ENDOV: variants seen among roughly 807,000 people sequenced by gnomAD.
ENDOV encodes hEndoV.
A neutral mutation model predicts 39.4 loss-of-function variants in ENDOV; 37 were observed. That is an observed-to-expected ratio of 0.94 (90% CI 0.72 to 1.23). The LOEUF (loss-of-function observed/expected upper bound fraction) is 1.23. Ranked by LOEUF, ENDOV falls within the 50% of genes most tolerant of loss-of-function variation. The probability of loss-of-function intolerance (pLI) is 0.00; values close to 1 mark genes in which losing one functional copy is unlikely to be tolerated. For missense variants in ENDOV, 441 were observed against 375.7 expected (o/e 1.17, Z -1.44); for synonymous variants, 186 against 163.4 (o/e 1.14, Z -1.05).
intron 2 of ENDOV, among the ~76,000 whole-genome samples, chr17:80,421,418 C>T (rs1464095000): frequency 1.3e-5 from 2 of 150,876 alleles, no homozygotes; most frequent in Non-Finnish European, 3.0e-5. Flanking sequence ...CTACTATACA[C>T]ATCAGGTCTG....
chr17:80,428,389 A>G (rs552600172), intron 7 of ENDOV: 2 of 583,818 alleles, frequency 3.4e-6, no homozygotes, highest in South Asian at 2.0e-5. Context: ...GAGAGCTGCC[A>G]TTGCGGGGCT....
chr17:80,421,031 C>T (rs1033911256), intron 2 of ENDOV, among the ~76,000 whole-genome samples: 9 of 151,162 alleles, frequency 6.0e-5, no homozygotes, highest in African/African-American at 1.9e-4. Context: ...GGTGGGGCAT[C>T]GGCTTCAATA....
At chr17:80,426,445 T>C (rs1287147459) in intron 7 of ENDOV, among the ~76,000 whole-genome samples, 1 of 152,016 alleles carries the variant, frequency 6.6e-6, no homozygotes, top group Admixed American at 6.6e-5. Flanking sequence ...GCCCAGGAGT[T>C]TGAGGGCGCC....
Position 80,427,695 on chromosome 17 carries a change from T to C in ENDOV, c.715-901T>C, listed in dbSNP as rs984782724. The C allele has an allele frequency of 2.3e-6, 3 of 1,284,976 alleles. No homozygotes were observed. In the African/African-American group the frequency reaches 4.6e-5, roughly 20 times the overall value. 79.6% of individuals were successfully genotyped at this position (1,284,976 alleles called of 1,614,324 possible). On this transcript the variant is annotated intron_variant, in intron 7 of 9. Coordinates refer to ENST00000518137, the MANE Select transcript of ENDOV (RefSeq NM_173627.5). ...TCACCTCCTGCTCTGTTCCAGAAGG[T>C]CCTGGGAGAGCACAGACGGGGTTAG...
chr17:80,424,397 C>T lies in ENDOV; in HGVS notation c.517-635C>T, dbSNP rs1261693774. 1.0e-5 allele frequency: 4 copies of T among 399,784 alleles called. No homozygotes were observed. In the East Asian group the frequency reaches 1.4e-4, roughly 14 times the overall value. The allele number at this position is 399,784 out of a possible 1,614,324, so 24.8% of individuals were successfully genotyped here. On this transcript the variant is annotated intron_variant, in intron 5 of 9. Transcript: ENST00000518137. ...AGAGAAGCCACAGGAAGGAAGCGGG[C>T]TCAGCACCCATCACTGGGCAGTGGC...
Position 80,415,771 on chromosome 17 carries a change from A to C in ENDOV, c.178A>C (p.Ser60Arg). 1 of 1,605,288 alleles carries C rather than the reference A, an allele frequency of 6.2e-7. No individual in the cohort carries two copies. The highest frequency in any genetic ancestry group is 1.1e-5 in the South Asian group (1 of 89,326). ...GVDVSFVKGD[S>R]VRACASLVVL... Reference sequence around the variant, plus strand: ...TGACGTGTCCTTCGTGAAAGGGGACAGTGTCCGCGCTTGTGCTTCCCTGGT... The same window carrying C: ...TGACGTGTCCTTCGTGAAAGGGGACCGTGTCCGCGCTTGTGCTTCCCTGGT... Residue 60 changes from serine to arginine, a missense_variant, in exon 2 of 10, where the codon AGT (serine) becomes CGT (arginine). By Grantham distance (110) the Ser-to-Arg change is moderately radical. Transcript: ENST00000518137.
intron 8 of ENDOV, among the ~76,000 whole-genome samples, 181 bp from the exon 9 acceptor site, chr17:80,429,592 C>T (rs191775017): frequency 6.6e-5 from 10 of 152,324 alleles, no homozygotes; most frequent in Non-Finnish European, 5.9e-5. Flanking sequence ...AGTTGGAGGC[C>T]GGCCCGCTTG....
chr17:80,435,818 G>T (rs998556522), intron 9 of ENDOV, among the ~76,000 whole-genome samples: 1 of 150,384 alleles, frequency 6.6e-6, no homozygotes, highest in Admixed American at 6.6e-5. Context: ...GGGTTTCACC[G>T]TGTTAGCCAG....
intron 9 of ENDOV, chr17:80,430,281 G>A (rs1442206818): frequency 1.7e-5 from 25 of 1,490,864 alleles, no homozygotes; most frequent in Non-Finnish European, 2.1e-5. Context: ...CAGCCTGCAC[G>A]ACCCCTGCAG....
Position 80,415,206 on chromosome 17 carries a change from G to A in ENDOV, c.12G>A (p.Glu4=), listed in dbSNP as rs940090094. Residue 4 remains glutamate, a synonymous_variant, in exon 1 of 10, where the codon GAG becomes GAA. Transcript: ENST00000518137. MAL[E]AAGGPPEETL... is the part of the protein sequence containing the mutation. ...CCCGGGACGAAGCCATGGCCCTGGAGGCGGCGGGAGGGCCGCCGGAGGAAA... is the reference window on the plus strand; with the variant it reads ...CCCGGGACGAAGCCATGGCCCTGGAAGCGGCGGGAGGGCCGCCGGAGGAAA... 2 of 1,613,216 alleles carry A rather than the reference G, an allele frequency of 1.2e-6. No individual in the cohort carries two copies. The highest frequency in any genetic ancestry group is 1.7e-6 in the Non-Finnish European group (2 of 1,179,714).
intron 2 of ENDOV, chr17:80,419,417 C>G: frequency 1.6e-6 from 1 of 611,024 alleles, no homozygotes; most frequent in African/African-American, 1.8e-5. Context: ...GTGTGCTGCT[C>G]CGCAGGCCTC....
chr17:80,415,600 C>T (rs375976286), intron 1 of ENDOV, 50 bp from the exon 2 acceptor site: 3 of 1,584,016 alleles, frequency 1.9e-6, no homozygotes, highest in Non-Finnish European at 1.7e-6. Flanking sequence ...GTGGAGGAGG[C>T]AGAGTCTGAG....
At chr17:80,419,114 A>G (rs914863043) in intron 2 of ENDOV, among the ~76,000 whole-genome samples, 12 of 148,670 alleles carry the variant, frequency 8.1e-5, no homozygotes, top group African/African-American at 1.2e-4. Flanking sequence ...CGGAGCTTGC[A>G]GTGAGCCGAG....
At chr17:80,423,322 G>T (rs1192970243) in intron 4 of ENDOV, among the ~76,000 whole-genome samples, 198 bp from the exon 5 acceptor site, 4 of 152,266 alleles carry the variant, frequency 2.6e-5, no homozygotes, top group Non-Finnish European at 5.9e-5. Flanking sequence ...TTCCTCCACG[G>T]CCTTGCACCC....
chr17:80,424,394 G>A (rs1327040506), intron 5 of ENDOV: 4 of 398,816 alleles, frequency 1.0e-5, no homozygotes, highest in South Asian at 1.3e-4. Flanking sequence ...GGAAGGAAGC[G>A]GGCTCAGCAC....
In ENDOV at chr17:80,427,913, G is replaced by A. The variant is rs2082922467; in HGVS notation, c.715-683G>A. The A allele has an allele frequency of 1.2e-5, 15 of 1,207,274 alleles. No individual in the cohort carries two copies. In the South Asian group the frequency reaches 2.1e-4, roughly 17 times the overall value. 74.8% of individuals were successfully genotyped at this position (1,207,274 alleles called of 1,614,324 possible). A position where few individuals can be genotyped will look rare whatever the true frequency, so the allele number is the denominator to read the frequency against. On this transcript the variant is annotated intron_variant, in intron 7 of 9. Transcript: ENST00000518137. Reference sequence around the variant, plus strand: ...CCCCCATGAATGGAAGCAGGAGCAGGCTGGGGGATTAGCCGTTGCTTTCCA... The same window carrying A: ...CCCCCATGAATGGAAGCAGGAGCAGACTGGGGGATTAGCCGTTGCTTTCCA...
chr17:80,424,124 G>A (rs1044932550), intron 5 of ENDOV: 2 of 398,440 alleles, frequency 5.0e-6, no homozygotes, highest in Admixed American at 4.4e-5. Context: ...GGGACCCCAT[G>A]TTGGCACTGG....
At position 80,436,576 on chromosome 17, in the gene ENDOV, A is replaced by G. The variant is rs994623781; in HGVS notation, c.*433A>G. On this transcript the variant is annotated 3_prime_UTR_variant, in exon 10 of 10. Coordinates refer to ENST00000518137, the MANE Select transcript of ENDOV (RefSeq NM_173627.5). Reference sequence around the variant, plus strand: ...TGAGGTGTTACATTGATTGATTTTCATATGTTGAGCCAGTTTCCATTTGTG... The same window carrying G: ...TGAGGTGTTACATTGATTGATTTTCGTATGTTGAGCCAGTTTCCATTTGTG... 2.4e-5 allele frequency: 7 copies of G among 290,334 alleles called. No homozygotes were observed. The highest frequency in any genetic ancestry group is 1.1e-4 in the South Asian group (3 of 26,524). 18.0% of individuals were successfully genotyped at this position (290,334 alleles called of 1,614,324 possible). A position where few individuals can be genotyped will look rare whatever the true frequency, so the allele number is the denominator to read the frequency against.
At chr17:80,425,287 C>T (rs377660221) in intron 6 of ENDOV, among the ~76,000 whole-genome samples, 187 bp downstream of exon 6, 2 of 152,138 alleles carry the variant, frequency 1.3e-5, no homozygotes, top group Non-Finnish European at 2.9e-5. Context: ...TTCCTCCAGC[C>T]GTGCTGAGGG....
Sources: allele counts gnomAD v4.1 joint callset (sites outside exome capture counted in the v4.1 genomes callset), GRCh38; gene constraint gnomAD v4.1.1; transcripts MANE v1.5; gene names NCBI Gene and HGNC (gene_info 2026-07-23, HGNC 2026-07-21).